Variants in PCSK5 observed in about 807,000 individuals in gnomAD.
PCSK5 encodes the protein prohormone convertase 5.
PCSK5 carries 129 observed loss-of-function variants against 233.2 expected under a neutral mutation model. That is an observed-to-expected ratio of 0.55 (90% CI 0.48 to 0.64). PCSK5 has a LOEUF of 0.64. Among genes scored for constraint, PCSK5 ranks in the 30% least tolerant of loss-of-function variants. The pLI is 0.00. For missense variants in PCSK5, 2,076 were observed against 2,430.1 expected, an observed-to-expected ratio of 0.85 and a Z score of 3.06; for synonymous variants, 825 against 879.2, an observed-to-expected ratio of 0.94 and a Z score of 1.09.
At chr9:75,992,827 G>A (rs1826831299) in intron 3 of PCSK5, among the ~76,000 whole-genome samples, 1 of 152,092 alleles carries the variant, frequency 6.6e-6, no homozygotes, top group South Asian at 2.1e-4. Flanking sequence ...TTTCATGAAC[G>A]CTCTCTGGGT....
intron 12 of PCSK5, among the ~76,000 whole-genome samples, chr9:76,167,098 A>C (rs1441427347): frequency 2.6e-5 from 4 of 152,214 alleles, no homozygotes; most frequent in Non-Finnish European, 5.9e-5. Flanking sequence ...GACCCATTCC[A>C]GTGGGAAAAT....
chr9:76,197,007 G>T lies in PCSK5; in HGVS notation c.2626+7261G>T, dbSNP rs73460315. ...TGGACTGGTCAGTTCCCTAAAGCAGGTAGAGCTAGAATTGGTCCCTGAAGC... is the reference window on the plus strand; with the variant it reads ...TGGACTGGTCAGTTCCCTAAAGCAGTTAGAGCTAGAATTGGTCCCTGAAGC... On this transcript the variant is annotated intron_variant, in intron 20 of 37. Coordinates refer to ENST00000674117, the MANE Select transcript of PCSK5 (RefSeq NM_001372043.1). 8.9e-3 allele frequency among the ~76,000 whole-genome samples: 1,353 copies of T among 152,290 alleles called. 22 individuals carry two copies. The highest frequency in any genetic ancestry group is 0.031 in the African/African-American group (1,308 of 41,548).
At chr9:76,278,282 T>TATAC (rs1451117696) in intron 24 of PCSK5, among the ~76,000 whole-genome samples, 1 of 150,088 alleles carries the variant, frequency 6.7e-6, no homozygotes, top group East Asian at 1.9e-4. Flanking sequence ...TCAAGGAGAT[T>TATAC]ATACAAACAT....
At chr9:76,046,169 T>TG (rs1829373056) in intron 5 of PCSK5, among the ~76,000 whole-genome samples, 7 of 64,792 alleles carry the variant, frequency 1.1e-4, no homozygotes, top group African/African-American at 3.1e-4. Flanking sequence ...TGTTTTTTTT[T>TG]TTTTTTTTTT....
intron 24 of PCSK5, among the ~76,000 whole-genome samples, chr9:76,260,742 C>T (rs1301319534): frequency 6.6e-6 from 1 of 152,184 alleles, no homozygotes; most frequent in Admixed American, 6.6e-5. Context: ...CTCTACCAGA[C>T]TTCTAACCTA....
chr9:76,187,957 A>C (rs1209564690), intron 17 of PCSK5, among the ~76,000 whole-genome samples: 2 of 152,208 alleles, frequency 1.3e-5, no homozygotes. Flanking sequence ...TTTTCATTAG[A>C]GTGTTTAAAA....
chr9:75,943,452 G>A (rs948798314), intron 2 of PCSK5, among the ~76,000 whole-genome samples: 3 of 152,174 alleles, frequency 2.0e-5, no homozygotes, highest in African/African-American at 7.2e-5. Flanking sequence ...ACTAATTCAT[G>A]TCTTTATTTT....
In PCSK5 at chr9:76,315,941, T is replaced by G. The variant is rs1054671476; in HGVS notation, c.3884+5090T>G. On this transcript the variant is annotated intron_variant, in intron 30 of 37. Coordinates refer to ENST00000674117, the MANE Select transcript of PCSK5 (RefSeq NM_001372043.1). ...GCCACTTCAAGGGTTTTTTTTTTTTTTTTTTTTTTTGCTTTTTGCTTGAAT... is the reference window on the plus strand; with the variant it reads ...GCCACTTCAAGGGTTTTTTTTTTTTGTTTTTTTTTTGCTTTTTGCTTGAAT... 3.5e-3 allele frequency among the ~76,000 whole-genome samples: 528 copies of G among 150,504 alleles called. 3 individuals are homozygous for G. The highest frequency in any genetic ancestry group is 0.012 in the African/African-American group (501 of 40,876).
At chr9:76,336,964 G>T (rs1201066968) in intron 34 of PCSK5, among the ~76,000 whole-genome samples, 1 of 151,902 alleles carries the variant, frequency 6.6e-6, no homozygotes, top group South Asian at 2.1e-4. Flanking sequence ...TAATGTTTAT[G>T]AAGTCCCTGG....
At chr9:76,061,077 A>G (rs1830012130) in intron 5 of PCSK5, among the ~76,000 whole-genome samples, 1 of 152,180 alleles carries the variant, frequency 6.6e-6, no homozygotes, top group Non-Finnish European at 1.5e-5. Flanking sequence ...ATATTTATAA[A>G]TGGTGTGTTT....
At chr9:76,184,818 A>G in intron 17 of PCSK5, 61 bp downstream of exon 17, 1 of 984,342 alleles carries the variant, frequency 1.0e-6, no homozygotes, top group Non-Finnish European at 1.6e-6. Context: ...ATGTAAATAA[A>G]ATGAAAAAAT....
chr9:76,189,356 T>A, intron 19 of PCSK5, 133 bp downstream of exon 19: 2 of 766,758 alleles, frequency 2.6e-6, no homozygotes, highest in East Asian at 5.2e-5. Flanking sequence ...TGGACACTGT[T>A]CTGAAGCTTT....
intron 23 of PCSK5, among the ~76,000 whole-genome samples, chr9:76,239,896 T>A (rs1256606556): frequency 6.6e-6 from 1 of 152,118 alleles, no homozygotes; most frequent in Non-Finnish European, 1.5e-5. Flanking sequence ...CCTTGGTGTC[T>A]TCATCTGTCA....
At chr9:75,905,466 G>C (rs74639060) in intron 1 of PCSK5, among the ~76,000 whole-genome samples, 142 of 152,344 alleles carry the variant, frequency 9.3e-4, no homozygotes, top group African/African-American at 3.2e-3. Flanking sequence ...TGCAGTAAGC[G>C]TAATGGTGCC....
chr9:76,026,406 G>A (rs1206737675), intron 4 of PCSK5, among the ~76,000 whole-genome samples: 2 of 152,100 alleles, frequency 1.3e-5, no homozygotes, highest in African/African-American at 4.8e-5. Context: ...AACCAGACGA[G>A]GGTTGTCTAA....
chr9:76,065,751 C>T (rs1345617352), intron 5 of PCSK5, among the ~76,000 whole-genome samples: 7 of 151,964 alleles, frequency 4.6e-5, no homozygotes, highest in Non-Finnish European at 1.0e-4. Context: ...CAAAGCATTT[C>T]TTCAATATTT....
chr9:76,121,176 G>A (rs563787992), intron 9 of PCSK5, among the ~76,000 whole-genome samples: 16 of 150,918 alleles, frequency 1.1e-4, no homozygotes, highest in Non-Finnish European at 2.4e-4. Context: ...TTCATAATGC[G>A]TATGCAGCGT....
rs752235678 is a variant in PCSK5, at chr9:76,181,429, T to C, written c.2035T>C (p.Tyr679His). ...ICVSSCPPGH[Y>H]HADKKRCRKC... ...TGTCTCCAGCTGCCCCCCTGGCCAC[T>C]ACCACGCCGACAAGAAGCGCTGCAG... Residue 679 changes from tyrosine (Y) to histidine (H), a missense_variant, in exon 16 of 38, where the codon TAC (tyrosine) becomes CAC (histidine). Tyr to His is a moderately conservative substitution (Grantham distance 83, BLOSUM62 2). This residue lies in a region of PCSK5 where 1,510 missense variants were observed against 1,538.1 expected (regional missense o/e 0.98). Transcript: ENST00000674117. 6.2e-7 allele frequency: 1 copy of C among 1,613,922 alleles called. No individual in the cohort carries two copies. Among genetic ancestry groups the C allele is most frequent in the South Asian group, 1.1e-5 (1 of 91,066 alleles).
At chr9:76,193,491 T>G in intron 20 of PCSK5, 1 of 670,402 alleles carries the variant, frequency 1.5e-6, no homozygotes, top group Non-Finnish European at 2.4e-6. Flanking sequence ...TTTCTCTCTC[T>G]CTCAAGTTTG....
Sources: gnomAD v4.1 joint callset for allele counts (sites outside exome capture counted in the v4.1 genomes callset) on GRCh38, gnomAD v4.1.1 for gene constraint, gnomAD v4.1.1 regional missense constraint, MANE v1.5 for transcripts, NCBI Gene and HGNC (gene_info 2026-07-23, HGNC 2026-07-21) for gene names.